Variants in SAMMSON observed in about 807,000 individuals in gnomAD.
The protein encoded by SAMMSON is survival associated mitochondrial melanoma specific oncogenic non-coding RNA.
At chr3:70,241,805 T>G (rs560743315) in intron 4 of SAMMSON, among the ~76,000 whole-genome samples, 1 of 152,182 alleles carries the variant, frequency 6.6e-6, no homozygotes, top group Non-Finnish European at 1.5e-5. Context: ...TATACCTATT[T>G]TACAAATGGA....
intron 4 of SAMMSON, among the ~76,000 whole-genome samples, chr3:70,099,858 C>T (rs559250467): frequency 3.9e-5 from 6 of 152,238 alleles, no homozygotes; most frequent in African/African-American, 7.2e-5. Context: ...TACCCTGCAC[C>T]GTCCCTCTCT....
At chr3:70,149,999 C>A (rs1161757388) in intron 4 of SAMMSON, among the ~76,000 whole-genome samples, 1 of 152,046 alleles carries the variant, frequency 6.6e-6, no homozygotes, top group Non-Finnish European at 1.5e-5. Flanking sequence ...TTAATCATTA[C>A]CCTCTCACCA....
intron 4 of SAMMSON, among the ~76,000 whole-genome samples, chr3:70,227,911 C>T (rs9848447): frequency 0.081 from 12,252 of 152,004 alleles, 787 homozygotes; most frequent in African/African-American, 0.18. Context: ...CTTTTAACTA[C>T]CATGGTGCAC....
At chr3:70,138,036 A>G (rs556351514) in intron 4 of SAMMSON, among the ~76,000 whole-genome samples, 2 of 152,350 alleles carry the variant, frequency 1.3e-5, no homozygotes, top group African/African-American at 2.4e-5. Flanking sequence ...AGAAATATAG[A>G]GTCCCAGAAG....
intron 7 of SAMMSON, among the ~76,000 whole-genome samples, chr3:70,293,663 C>T (rs1702261978): frequency 6.6e-6 from 1 of 151,952 alleles, no homozygotes; most frequent in African/African-American, 2.4e-5. Flanking sequence ...CTGTTCCTTT[C>T]CTTCCATTTT....
At chr3:70,384,607 T>C (rs1040250248) in intron 9 of SAMMSON, among the ~76,000 whole-genome samples, 1 of 152,068 alleles carries the variant, frequency 6.6e-6, no homozygotes. Context: ...CATTGGCAAG[T>C]AGAAGCACTT....
At chr3:70,113,293 T>C (rs943090549) in intron 4 of SAMMSON, among the ~76,000 whole-genome samples, 12 of 152,202 alleles carry the variant, frequency 7.9e-5, no homozygotes, top group African/African-American at 2.9e-4. Flanking sequence ...TTTCCCCAAA[T>C]CAATTTTTCC....
intron 4 of SAMMSON, among the ~76,000 whole-genome samples, chr3:70,236,868 A>T (rs1701615013): frequency 6.6e-6 from 1 of 152,158 alleles, no homozygotes; most frequent in Non-Finnish European, 1.5e-5. Flanking sequence ...AGGTGTTAGG[A>T]TTTCAGGTAA....
intron 4 of SAMMSON, among the ~76,000 whole-genome samples, chr3:70,218,469 T>A (rs1341157186): frequency 6.6e-6 from 1 of 152,148 alleles, no homozygotes; most frequent in Non-Finnish European, 1.5e-5. Context: ...GTACTCTACA[T>A]CCCTCTTTTA....
intron 7 of SAMMSON, among the ~76,000 whole-genome samples, chr3:70,351,464 A>G (rs1303052003): frequency 6.6e-6 from 1 of 152,110 alleles, no homozygotes. Flanking sequence ...TTCCAGGAAG[A>G]TGGAGATGTA....
intron 4 of SAMMSON, among the ~76,000 whole-genome samples, chr3:70,113,879 G>A (rs1209918604): frequency 6.6e-6 from 1 of 152,184 alleles, no homozygotes; most frequent in Non-Finnish European, 1.5e-5. Flanking sequence ...AGCCATGTGA[G>A]TGCACAGTGA....
intron 4 of SAMMSON, among the ~76,000 whole-genome samples, chr3:70,164,176 AG>A (rs926371570): frequency 7.2e-5 from 11 of 152,028 alleles, no homozygotes; most frequent in African/African-American, 2.4e-4. Flanking sequence ...AAAGAATCTG[AG>A]ATTCTGATGC....
At chr3:70,186,637 G>A (rs541155325) in intron 4 of SAMMSON, among the ~76,000 whole-genome samples, 9 of 152,098 alleles carry the variant, frequency 5.9e-5, no homozygotes, top group African/African-American at 1.9e-4. Flanking sequence ...TGATGGCACC[G>A]AATTGAGGGG....
intron 4 of SAMMSON, among the ~76,000 whole-genome samples, chr3:70,197,813 GTTGT>G (rs1701196665): frequency 6.6e-6 from 1 of 152,106 alleles, no homozygotes; most frequent in South Asian, 2.1e-4. Context: ...TTATATTCAA[GTTGT>G]TTAAGTGAAA....
chr3:70,092,414 C>CATTTCATCA (rs1487659317), intron 4 of SAMMSON, among the ~76,000 whole-genome samples: 1 of 149,816 alleles, frequency 6.7e-6, no homozygotes, highest in Non-Finnish European at 1.5e-5. Flanking sequence ...TTCTACATTC[C>CATTTCATCA]ATTTCATCAT....
intron 7 of SAMMSON, among the ~76,000 whole-genome samples, chr3:70,336,632 T>A (rs764741301): frequency 1.9e-4 from 29 of 151,996 alleles, no homozygotes; most frequent in African/African-American, 2.9e-4. Flanking sequence ...ATTAGTCTTG[T>A]AAAACATAAG....
At chr3:70,239,359 C>A (rs1240716867) in intron 4 of SAMMSON, among the ~76,000 whole-genome samples, 1 of 152,014 alleles carries the variant, frequency 6.6e-6, no homozygotes. Flanking sequence ...AAGATTAGAC[C>A]CCAGCTGTCT....
chr3:70,185,253 T>C (rs997980574), intron 4 of SAMMSON, among the ~76,000 whole-genome samples: 5 of 152,100 alleles, frequency 3.3e-5, no homozygotes, highest in Non-Finnish European at 5.9e-5. Flanking sequence ...GGAGAAACCA[T>C]ATAAAAATTT....
At position 70,056,647 on chromosome 3, in the gene SAMMSON, T is replaced by C. The variant is rs573866213; in HGVS notation, n.418-14829T>C. 3.3e-5 allele frequency among the ~76,000 whole-genome samples: 5 copies of C among 152,122 alleles called. No individual in the cohort carries two copies. In the South Asian group the frequency reaches 6.2e-4, roughly 19 times the overall value. On this transcript the variant is annotated intron_variant and non_coding_transcript_variant, in intron 3 of 9. Coordinates refer to ENST00000642114, the Ensembl canonical transcript of SAMMSON. ...GATTTAACAAAGTAAAGTTAAATAA[T>C]ATTAAAACTCATAGTGTATCTATTA...
Sources: allele counts gnomAD v4.1 joint callset (sites outside exome capture counted in the v4.1 genomes callset), GRCh38; gene constraint gnomAD v4.1.1; transcripts MANE v1.5; gene names NCBI Gene and HGNC (gene_info 2026-07-23, HGNC 2026-07-21).